The following ATP2B2 variants were observed in gnomAD, a reference collection of about 807,000 sequenced individuals.
The protein encoded by ATP2B2 is plasma membrane calcium-transporting ATPase 2.
In ATP2B2, 15 loss-of-function variants were observed where a neutral mutation model predicts 120.0. The ratio of observed to expected loss-of-function variants is 0.12; its 90% CI spans 0.08 to 0.19. The LOEUF (loss-of-function observed/expected upper bound fraction) is 0.19. Ranked by LOEUF, ATP2B2 falls within the 10% of genes least tolerant of loss-of-function variation. ATP2B2 has a pLI of 1.00. For synonymous variants in ATP2B2, 694 were observed against 700.3 expected, an observed-to-expected ratio of 0.99 and a Z score of 0.14; for missense variants, 1,045 against 1,719.8, an observed-to-expected ratio of 0.61 and a Z score of 6.94.
chr3:10,660,132 A>G (rs1219966239), intron 1 of ATP2B2, among the ~76,000 whole-genome samples: 2 of 152,258 alleles, frequency 1.3e-5, no homozygotes, highest in South Asian at 2.1e-4. Flanking sequence ...CTAAATGCCC[A>G]TAAGAGAAAT....
At chr3:10,697,967 G>C (rs893645696) in intron 1 of ATP2B2, among the ~76,000 whole-genome samples, 5 of 152,212 alleles carry the variant, frequency 3.3e-5, no homozygotes, top group Non-Finnish European at 7.4e-5. Flanking sequence ...GCCTAGATGG[G>C]AGGCAGGAGA....
chr3:10,357,732 A>G (rs1415054602), intron 14 of ATP2B2, among the ~76,000 whole-genome samples: 1 of 152,170 alleles, frequency 6.6e-6, no homozygotes, highest in Non-Finnish European at 1.5e-5. Context: ...CCTGGGAGGA[A>G]GTGGAAGCCA....
intron 2 of ATP2B2, among the ~76,000 whole-genome samples, chr3:10,569,929 T>A (rs905092799): frequency 1.3e-5 from 2 of 152,066 alleles, no homozygotes; most frequent in Non-Finnish European, 2.9e-5. Context: ...GTTCCAGGAG[T>A]TGAAAGACAG....
At chr3:10,379,031 G>T (rs935448441) in intron 9 of ATP2B2, among the ~76,000 whole-genome samples, 2 of 152,150 alleles carry the variant, frequency 1.3e-5, no homozygotes, top group Admixed American at 6.5e-5. Flanking sequence ...GGAGATGCTG[G>T]CCCATGGGTA....
At chr3:10,428,557 G>A (rs2063213886) in intron 2 of ATP2B2, among the ~76,000 whole-genome samples, 1 of 152,156 alleles carries the variant, frequency 6.6e-6, no homozygotes, top group South Asian at 2.1e-4. Flanking sequence ...TCCCCTCACT[G>A]GGCCAACACC....
At chr3:10,486,618 A>T (rs1214041641) in intron 1 of ATP2B2, among the ~76,000 whole-genome samples, 1 of 152,078 alleles carries the variant, frequency 6.6e-6, no homozygotes, top group African/African-American at 2.4e-5. Context: ...AACATCACCT[A>T]CTAGCAAGGT....
rs878211 is a variant in ATP2B2 at position 10,385,550 on chromosome 3, A to G, written c.941-223T>C. Among the ~76,000 whole-genome samples, 6,351 of 152,264 alleles carry G rather than the reference A, an allele frequency of 0.042. 448 individuals carry two copies. Among genetic ancestry groups the G allele is most frequent in the African/African-American group, 0.14 (6,004 of 41,508 alleles). On this transcript the variant is annotated intron_variant, in intron 7 of 22. Coordinates refer to ENST00000360273, the MANE Select transcript of ATP2B2 (RefSeq NM_001001331.4). ...AACTCAGACATGGAGGGTCTTTCAA[A>G]TAAAGCATGGTGGATGACCAGGGTG...
chr3:10,430,369 T>C (rs6806653), intron 2 of ATP2B2, among the ~76,000 whole-genome samples: 6 of 152,200 alleles, frequency 3.9e-5, no homozygotes, highest in Admixed American at 6.5e-5. Flanking sequence ...ATTAAGAACA[T>C]TGGTGGTTCA....
At chr3:10,472,126 G>A (rs1019206960) in intron 1 of ATP2B2, among the ~76,000 whole-genome samples, 2 of 152,050 alleles carry the variant, frequency 1.3e-5, no homozygotes, top group Non-Finnish European at 2.9e-5. Flanking sequence ...CCTAAGAAGG[G>A]AGGGAGAGGG....
chr3:10,701,103 G>C (rs2125719895), intron 1 of ATP2B2, among the ~76,000 whole-genome samples: 1 of 152,322 alleles, frequency 6.6e-6, no homozygotes, highest in South Asian at 2.1e-4. Flanking sequence ...CTAAAAAGAA[G>C]AGAGAGAAGA....
At position 10,482,544 on chromosome 3, in the gene ATP2B2, C is replaced by T. The variant is rs367727367; in HGVS notation, c.-320+22921G>A. Among the ~76,000 whole-genome samples, 139 of 152,310 alleles carry T rather than the reference C, an allele frequency of 9.1e-4. 1 individual carries two copies. The highest frequency in any genetic ancestry group is 3.1e-3 in the African/African-American group (128 of 41,570). On this transcript the variant is annotated intron_variant, in intron 1 of 22. Coordinates refer to ENST00000360273, the MANE Select transcript of ATP2B2 (RefSeq NM_001001331.4). ...GAGGAGAAGGGGAGAGAGGGCAGTGCCATGGCTAGGGTCAAGCTGCCCCAA... is the reference window on the plus strand; with the variant it reads ...GAGGAGAAGGGGAGAGAGGGCAGTGTCATGGCTAGGGTCAAGCTGCCCCAA...
intron 1 of ATP2B2, among the ~76,000 whole-genome samples, chr3:10,696,981 T>C (rs1284459034): frequency 1.3e-5 from 2 of 152,188 alleles, no homozygotes; most frequent in Non-Finnish European, 2.9e-5. Flanking sequence ...ACTGGAAACA[T>C]TGAACTATTA....
At chr3:10,597,022 G>T in intron 2 of ATP2B2, among the ~76,000 whole-genome samples, 1 of 138,778 alleles carries the variant, frequency 7.2e-6, no homozygotes, top group South Asian at 2.5e-4. Context: ...CACGCACACA[G>T]GCACACACCC....
At chr3:10,593,652 G>A (rs4684719) in intron 2 of ATP2B2, among the ~76,000 whole-genome samples, 23,307 of 152,116 alleles carry the variant, frequency 0.15, 2,292 homozygotes, top group East Asian at 0.33. Flanking sequence ...ACATAGGCAT[G>A]GGCAAGGACT....
intron 21 of ATP2B2, chr3:10,338,656 G>C: frequency 4.9e-6 from 2 of 409,010 alleles, no homozygotes; most frequent in South Asian, 4.4e-5. Context: ...TCTAGGAGTT[G>C]GACAGATGTG....
At chr3:10,453,949 C>A (rs552484195) in intron 1 of ATP2B2, among the ~76,000 whole-genome samples, 10 of 151,074 alleles carry the variant, frequency 6.6e-5, no homozygotes, top group African/African-American at 2.4e-4. Flanking sequence ...CCCATCCACT[C>A]ATCCATCCAT....
rs1575522568 is a variant in ATP2B2, at chr3:10,582,553, A to G, written c.-415+37364T>C. ...GGAGAAAATTAAATAAGTGGGGTAG[A>G]GAGAATCCTGCACGTGTGGTTGGGG... On this transcript the variant is annotated intron_variant, in intron 2 of 21. Coordinates refer to the ATP2B2 transcript ENST00000646379. Among the ~76,000 whole-genome samples the G allele has an allele frequency of 2.0e-5, 3 of 152,328 alleles. No individual in the cohort carries two copies. In the East Asian group the frequency reaches 5.8e-4, roughly 29 times the overall value.
chr3:10,396,746 G>C (rs1322393650), intron 5 of ATP2B2, among the ~76,000 whole-genome samples: 2 of 152,246 alleles, frequency 1.3e-5, no homozygotes, highest in African/African-American at 4.8e-5. Flanking sequence ...GCCCAGAGAG[G>C]TGGGAAAGGG....
intron 12 of ATP2B2, among the ~76,000 whole-genome samples, chr3:10,368,524 ACCCATCCCAT>A (rs1559237372): frequency 6.6e-6 from 1 of 151,266 alleles, no homozygotes; most frequent in African/African-American, 2.4e-5. Flanking sequence ...CAACACATCT[ACCCATCCCAT>A]CCCATCCATC....
Sources: allele counts gnomAD v4.1 joint callset (sites outside exome capture counted in the v4.1 genomes callset), GRCh38; gene constraint gnomAD v4.1.1; transcripts MANE v1.5; gene names NCBI Gene and HGNC (gene_info 2026-07-23, HGNC 2026-07-21).